Variants in ERBB4 observed in about 807,000 individuals in gnomAD.
The protein encoded by ERBB4 is receptor tyrosine-protein kinase erbB-4.
A neutral mutation model predicts 158.0 loss-of-function variants in ERBB4; 42 were observed. The ratio of observed to expected loss-of-function variants is 0.27; its 90% CI spans 0.21 to 0.34. The LOEUF (loss-of-function observed/expected upper bound fraction) is 0.34. Among genes scored for constraint, ERBB4 ranks in the 10% least tolerant of loss-of-function variants. The pLI is 1.00. For missense variants in ERBB4, 1,333 were observed against 1,624.1 expected (o/e 0.82, Z 3.08); for synonymous variants, 583 against 558.7 (o/e 1.04, Z -0.61).
At position 212,331,194 on chromosome 2, in the gene ERBB4, C is replaced by T. The variant is rs998193939; in HGVS notation, c.83-206291G>A. The stretch of plus-strand genomic sequence containing the variant: ...ACAGACCACATAATGATGTATATGC[C>T]GCATCTCTTGAACCAAACAGAACAG... On this transcript the variant is annotated intron_variant, in intron 1 of 27. Transcript: ENST00000342788. 5.4e-5 allele frequency among the ~76,000 whole-genome samples: 8 copies of T among 149,464 alleles called. 1 individual carries two copies. The highest frequency in any genetic ancestry group is 2.1e-4 in the South Asian group (1 of 4,680).
intron 17 of ERBB4, among the ~76,000 whole-genome samples, chr2:211,627,307 C>T (rs940050846): frequency 1.3e-5 from 2 of 152,234 alleles, no homozygotes; most frequent in Non-Finnish European, 2.9e-5. Context: ...TCCAAACTTT[C>T]ATTCACATGT....
At chr2:211,938,844 T>C (rs1426532358) in intron 3 of ERBB4, among the ~76,000 whole-genome samples, 1 of 152,118 alleles carries the variant, frequency 6.6e-6, no homozygotes, top group Non-Finnish European at 1.5e-5. Flanking sequence ...CTAATAAATA[T>C]TTGAATTGAC....
chr2:211,513,073 C>A (rs983603687), intron 20 of ERBB4, among the ~76,000 whole-genome samples: 3 of 151,954 alleles, frequency 2.0e-5, no homozygotes, highest in African/African-American at 4.8e-5. Flanking sequence ...ACACAAAACA[C>A]TGGTCTGCTT....
chr2:212,286,777 T>TTTTTTTTTTTTTTG (rs2085998537), intron 1 of ERBB4, among the ~76,000 whole-genome samples: 1 of 111,204 alleles, frequency 9.0e-6, no homozygotes, highest in African/African-American at 3.4e-5. Context: ...ATTTTTTTTT[T>TTTTTTTTTTTTTTG]TTTTTTTTTT....
At chr2:211,909,024 A>T (rs2079472834) in intron 3 of ERBB4, among the ~76,000 whole-genome samples, 1 of 151,868 alleles carries the variant, frequency 6.6e-6, no homozygotes, top group East Asian at 2.0e-4. Flanking sequence ...ATATTAACTG[A>T]TACATAAAAG....
intron 1 of ERBB4, among the ~76,000 whole-genome samples, chr2:212,459,864 G>T (rs1034263964): frequency 6.6e-6 from 1 of 152,080 alleles, no homozygotes; most frequent in Non-Finnish European, 1.5e-5. Flanking sequence ...CAAAAATTTT[G>T]CTGGAAAAAC....
intron 5 of ERBB4, among the ~76,000 whole-genome samples, chr2:211,725,936 A>G (rs1030674877): frequency 6.6e-6 from 1 of 152,160 alleles, no homozygotes; most frequent in Non-Finnish European, 1.5e-5. Flanking sequence ...TTCTTATAAC[A>G]TGCTTCAATC....
chr2:212,008,406 T>G (rs2076304572), intron 2 of ERBB4, among the ~76,000 whole-genome samples: 2 of 152,108 alleles, frequency 1.3e-5, no homozygotes, highest in African/African-American at 4.8e-5. Flanking sequence ...TATCATATTA[T>G]CATTACGTTG....
chr2:212,468,796 G>A (rs753010169), intron 1 of ERBB4, among the ~76,000 whole-genome samples: 14 of 152,124 alleles, frequency 9.2e-5, no homozygotes, highest in Non-Finnish European at 2.9e-5. Flanking sequence ...GTTCAAAGGA[G>A]AATTATAAAC....
intron 1 of ERBB4, among the ~76,000 whole-genome samples, chr2:212,338,408 T>C (rs906764229): frequency 3.3e-5 from 5 of 152,148 alleles, no homozygotes. Flanking sequence ...CAAGGCAACA[T>C]TAAATTGAGG....
chr2:211,739,027 AT>A, intron 5 of ERBB4, among the ~76,000 whole-genome samples: 1 of 152,132 alleles, frequency 6.6e-6, no homozygotes, highest in South Asian at 2.1e-4. Context: ...TTATCTCTAT[AT>A]TTTTTCCTAG....
Position 211,786,263 on chromosome 2 carries a change from GGGGAGAA to G in ERBB4, c.556+1755_556+1761del, listed in dbSNP as rs2076162102. On this transcript the variant is annotated intron_variant, in intron 4 of 27. Coordinates refer to ENST00000342788, the MANE Select transcript of ERBB4 (RefSeq NM_005235.3). Reference sequence around the variant, plus strand: ...CCTGAGAGTGTCTGAGATTACCTCTGGGGAGAAGACAGAGAAATAAATTGACTAAAGA... The same window carrying G: ...CCTGAGAGTGTCTGAGATTACCTCTGGACAGAGAAATAAATTGACTAAAGA... 2.6e-5 allele frequency among the ~76,000 whole-genome samples: 4 copies of G among 152,178 alleles called. No individual in the cohort carries two copies. In the South Asian group the frequency reaches 8.3e-4, roughly 32 times the overall value.
intron 2 of ERBB4, among the ~76,000 whole-genome samples, chr2:211,977,880 T>G: frequency 7.0e-6 from 1 of 142,878 alleles, no homozygotes; most frequent in African/African-American, 2.5e-5. Context: ...AAAAGCAACT[T>G]GAAAAGAGTA....
At chr2:211,581,401 C>T (rs2068100157) in intron 19 of ERBB4, among the ~76,000 whole-genome samples, 1 of 151,998 alleles carries the variant, frequency 6.6e-6, no homozygotes, top group African/African-American at 2.4e-5. Context: ...TCAAGCAAAA[C>T]ACACCTACAG....
At chr2:212,304,284 C>A (rs1015999950) in intron 1 of ERBB4, among the ~76,000 whole-genome samples, 3 of 151,508 alleles carry the variant, frequency 2.0e-5, no homozygotes, top group Non-Finnish European at 3.0e-5. Flanking sequence ...GAAACTAATT[C>A]TCTCCCAATT....
Position 211,523,619 on chromosome 2 carries a change from C to T in ERBB4, c.2487+38284G>A, listed in dbSNP as rs536811055. On this transcript the variant is annotated intron_variant, in intron 20 of 27. Transcript: ENST00000342788. ...TGTTACAGCTCTCAAGGCTGCGCGT[C>T]TGGAGTTGTTCGTTCCTCCCGGTGG... is the stretch of plus-strand genomic sequence containing the variant. 6.6e-5 allele frequency among the ~76,000 whole-genome samples: 10 copies of T among 151,842 alleles called. No individual in the cohort carries two copies. In the East Asian group the frequency reaches 2.0e-3, roughly 30 times the overall value.
chr2:212,537,857 C>T (rs1043263004), intron 1 of ERBB4, among the ~76,000 whole-genome samples: 2 of 152,026 alleles, frequency 1.3e-5, no homozygotes, highest in African/African-American at 2.4e-5. Context: ...GGGCCCCGGA[C>T]CGAGGCGCGC....
At position 211,860,141 on chromosome 2, in the gene ERBB4, G is replaced by T. The variant is rs190078924; in HGVS notation, c.422-71982C>A. Among the ~76,000 whole-genome samples, 36 of 152,220 alleles carry T rather than the reference G, an allele frequency of 2.4e-4. No homozygotes were observed. In the East Asian group the frequency reaches 5.6e-3, roughly 24 times the overall value. On this transcript the variant is annotated intron_variant, in intron 3 of 27. Coordinates refer to ENST00000342788, the MANE Select transcript of ERBB4 (RefSeq NM_005235.3). Reference sequence around the variant, plus strand: ...GAAAAGTCACAAGCCAACTGCTATTGTAAGTCGCAAACTTCTTAGAAGAGC... The same window carrying T: ...GAAAAGTCACAAGCCAACTGCTATTTTAAGTCGCAAACTTCTTAGAAGAGC...
chr2:212,472,352 TG>T (rs1273125396), intron 1 of ERBB4, among the ~76,000 whole-genome samples: 1 of 151,826 alleles, frequency 6.6e-6, no homozygotes, highest in African/African-American at 2.4e-5. Flanking sequence ...GCTCAAGAAA[TG>T]TAAATAAATT....
Sources: allele counts gnomAD v4.1 joint callset (sites outside exome capture counted in the v4.1 genomes callset), GRCh38; gene constraint gnomAD v4.1.1; transcripts MANE v1.5; gene names NCBI Gene and HGNC (gene_info 2026-07-23, HGNC 2026-07-21).